The following ASAP1 variants were observed in gnomAD, a reference collection of about 807,000 sequenced individuals.
The protein encoded by ASAP1 is arf-GAP with SH3 domain, ANK repeat and PH domain-containing protein 1.
A neutral mutation model predicts 145.2 loss-of-function variants in ASAP1; 43 were observed. The observed-to-expected ratio is 0.30, with a 90% CI of 0.23 to 0.38. ASAP1 has a LOEUF of 0.38. Among genes scored for constraint, ASAP1 ranks in the 10% least tolerant of loss-of-function variants. The pLI is 1.00. For synonymous variants in ASAP1, 546 were observed against 515.5 expected (o/e 1.06, Z -0.80); for missense variants, 1,018 against 1,355.3 (o/e 0.75, Z 3.91).
At chr8:130,349,648 AGAGAGCAG>A (rs1565233791) in intron 3 of ASAP1, among the ~76,000 whole-genome samples, 1 of 152,208 alleles carries the variant, frequency 6.6e-6, no homozygotes, top group Non-Finnish European at 1.5e-5. Flanking sequence ...GGTCCTCAGT[AGAGAGCAG>A]TCCTACCTAT....
At chr8:130,215,752 A>G (rs1003692254) in intron 4 of ASAP1, among the ~76,000 whole-genome samples, 2 of 151,800 alleles carry the variant, frequency 1.3e-5, no homozygotes, top group African/African-American at 4.8e-5. Context: ...TCAAAACAAC[A>G]ACAACAACAA....
At chr8:130,243,013 G>A (rs1051562329) in intron 3 of ASAP1, among the ~76,000 whole-genome samples, 1 of 151,960 alleles carries the variant, frequency 6.6e-6, no homozygotes, top group Admixed American at 6.6e-5. Context: ...CATCATTTAG[G>A]CACTTATTCA....
intron 15 of ASAP1, among the ~76,000 whole-genome samples, chr8:130,132,365 C>T (rs559576327): frequency 6.6e-6 from 1 of 152,296 alleles, no homozygotes; most frequent in Non-Finnish European, 1.5e-5. Context: ...GACTTCTAGT[C>T]ACCTTTCAGT....
chr8:130,104,061 A>T (rs1407476590), intron 24 of ASAP1, among the ~76,000 whole-genome samples: 2 of 152,078 alleles, frequency 1.3e-5, no homozygotes, highest in East Asian at 3.9e-4. Flanking sequence ...TCCTTTCCAG[A>T]CTGTGTGCAT....
chr8:130,272,026 A>C (rs1013528655), intron 3 of ASAP1, among the ~76,000 whole-genome samples: 14 of 152,126 alleles, frequency 9.2e-5, no homozygotes, highest in African/African-American at 3.4e-4. Context: ...CTGTCACTAA[A>C]AGGCTGCGGT....
chr8:130,258,197 C>T (rs1275953787), intron 3 of ASAP1, among the ~76,000 whole-genome samples: 2 of 152,130 alleles, frequency 1.3e-5, no homozygotes, highest in Non-Finnish European at 2.9e-5. Context: ...TAATGGAAGA[C>T]GTTAGGGCAC....
At chr8:130,162,686 C>T (rs1181960377) in intron 11 of ASAP1, among the ~76,000 whole-genome samples, 5 of 151,952 alleles carry the variant, frequency 3.3e-5, no homozygotes, top group South Asian at 2.1e-4. Flanking sequence ...GGCGTGGTGG[C>T]GGGCGCCTGT....
chr8:130,430,556 T>C (rs1830101597), intron 1 of ASAP1, among the ~76,000 whole-genome samples: 1 of 152,176 alleles, frequency 6.6e-6, no homozygotes, highest in South Asian at 2.1e-4. Context: ...GGATGGAGAC[T>C]GAAGCTTGTT....
intron 3 of ASAP1, among the ~76,000 whole-genome samples, chr8:130,350,160 T>G (rs1260885581): frequency 1.3e-5 from 2 of 152,222 alleles, no homozygotes; most frequent in East Asian, 3.8e-4. Flanking sequence ...GACAGCAGAC[T>G]GGGCTAGCAA....
intron 28 of ASAP1, among the ~76,000 whole-genome samples, chr8:130,058,700 G>A (rs1202033577): frequency 6.6e-6 from 1 of 152,146 alleles, no homozygotes; most frequent in Non-Finnish European, 1.5e-5. Flanking sequence ...GAAAATAGAG[G>A]TATCACCTTC....
chr8:130,343,846 T>G (rs1029135159), intron 3 of ASAP1, among the ~76,000 whole-genome samples: 7 of 152,220 alleles, frequency 4.6e-5, no homozygotes, highest in Non-Finnish European at 1.0e-4. Context: ...GAAGACTTTT[T>G]AATGAAGTGG....
At chr8:130,387,656 CAG>C (rs1265786204) in intron 2 of ASAP1, among the ~76,000 whole-genome samples, 1 of 113,624 alleles carries the variant, frequency 8.8e-6, no homozygotes, top group Non-Finnish European at 1.8e-5. Context: ...GACTCCATCT[CAG>C]AAAAAAAAAA....
chr8:130,378,902 T>C (rs915388364), intron 2 of ASAP1, among the ~76,000 whole-genome samples: 1 of 152,206 alleles, frequency 6.6e-6, no homozygotes, highest in African/African-American at 2.4e-5. Flanking sequence ...ACATGTTTTC[T>C]CATCTGATCT....
chr8:130,243,091 C>T (rs1365080531), intron 3 of ASAP1, among the ~76,000 whole-genome samples: 1 of 152,116 alleles, frequency 6.6e-6, no homozygotes, highest in Non-Finnish European at 1.5e-5. Flanking sequence ...GTGCATCTAC[C>T]TCTCCTTAAC....
At chr8:130,220,287 GTAA>G (rs1475382834) in intron 4 of ASAP1, among the ~76,000 whole-genome samples, 2 of 152,104 alleles carry the variant, frequency 1.3e-5, no homozygotes, top group African/African-American at 4.8e-5. Flanking sequence ...TACTATTCCA[GTAA>G]TAATCGTTAC....
At position 130,061,670 on chromosome 8, in the gene ASAP1, CCT is replaced by C. The variant is rs142073818; in HGVS notation, c.2702-603_2702-602del. 6.5e-3 allele frequency among the ~76,000 whole-genome samples: 997 copies of C among 152,238 alleles called. 9 individuals carry two copies. The highest frequency in any genetic ancestry group is 0.023 in the African/African-American group (967 of 41,548). ...ACTTTGTGCCCCTGTCTCGGGTTAA[CCT>C]CTGTTACATTTTGGTGATACACACG... is the stretch of plus-strand genomic sequence containing the variant. On this transcript the variant is annotated intron_variant, in intron 27 of 29. Coordinates refer to ENST00000518721, the MANE Select transcript of ASAP1 (RefSeq NM_018482.4).
At chr8:130,262,792 C>T (rs1351591546) in intron 3 of ASAP1, among the ~76,000 whole-genome samples, 1 of 152,134 alleles carries the variant, frequency 6.6e-6, no homozygotes, top group East Asian at 1.9e-4. Context: ...TTTTTTACTT[C>T]AGCAGAAGCA....
chr8:130,282,363 G>A (rs978085586), intron 3 of ASAP1, among the ~76,000 whole-genome samples: 38 of 152,176 alleles, frequency 2.5e-4, no homozygotes, highest in Non-Finnish European at 5.0e-4. Context: ...ACTACAAATC[G>A]CTTTTGCATT....
intron 2 of ASAP1, among the ~76,000 whole-genome samples, chr8:130,396,238 G>A (rs1828524785): frequency 1.3e-5 from 2 of 152,222 alleles, no homozygotes; most frequent in African/African-American, 4.8e-5. Flanking sequence ...AACATTTGTA[G>A]AATGAATACG....
Sources: allele counts gnomAD v4.1 joint callset (sites outside exome capture counted in the v4.1 genomes callset), GRCh38; gene constraint gnomAD v4.1.1; transcripts MANE v1.5; gene names NCBI Gene and HGNC (gene_info 2026-07-23, HGNC 2026-07-21).